TRIM25: variants seen among roughly 807,000 people sequenced by gnomAD.
TRIM25 encodes the protein E3 ubiquitin/ISG15 ligase TRIM25.
Under a neutral mutation model 65.2 loss-of-function variants are expected in TRIM25, and 45 were observed. The observed-to-expected ratio is 0.69, with a 90% CI of 0.54 to 0.89. The LOEUF (loss-of-function observed/expected upper bound fraction) is 0.89, where lower values mean the gene tolerates loss of function less well. TRIM25 is among the 40% of genes least tolerant of loss of function. TRIM25 has a pLI of 0.00. For synonymous variants in TRIM25, 321 were observed against 340.4 expected, an observed-to-expected ratio of 0.94 and a Z score of 0.63; for missense variants, 714 against 803.7, an observed-to-expected ratio of 0.89 and a Z score of 1.35.
chr17:56,899,324 C>T, intron 4 of TRIM25, 144 bp from the exon 5 acceptor site: 1 of 744,240 alleles, frequency 1.3e-6, no homozygotes, highest in Non-Finnish European at 2.2e-6. Context: ...CTTACAAGAG[C>T]TACAAACAAG....
rs1237636494 is a variant in TRIM25, at chr17:56,892,028, T to C, written c.1565A>G (p.Asn522Ser). The C allele has an allele frequency of 2.5e-5, 41 of 1,613,996 alleles. No individual in the cohort carries two copies. Among genetic ancestry groups the C allele is most frequent in the Non-Finnish European group, 3.1e-5 (37 of 1,180,022 alleles). The part of the protein sequence containing the change: ...HYWEVELQKN[N>S]FCGVGICYGS... ...GTAGCAGATGCCTACCCCACAGAAG[T>C]TGTTCTTCTGCAGCTCCACCTCCCA... is the stretch of plus-strand genomic sequence containing the variant. The change falls in exon 9 of 9, where the codon AAC becomes AGC. Residue 522 changes from asparagine to serine, a missense_variant. Asn to Ser is a conservative substitution (Grantham distance 46). Transcript: ENST00000316881.
rs1180839952 is a variant in TRIM25 at position 56,890,623 on chromosome 17, T to A, written c.*1077A>T. The A allele has an allele frequency of 2.2e-6, 1 of 456,666 alleles. No homozygotes were observed. The allele number at this position is 456,666 out of a possible 1,614,324, so 28.3% of individuals were successfully genotyped here. ...GTCCGAGGCAGCCGCATAGCCTGTC[T>A]GCATGATAGCAGGCTTCAGGGATCC... On this transcript the variant is annotated 3_prime_UTR_variant, in exon 9 of 9. Coordinates refer to ENST00000316881, the MANE Select transcript of TRIM25 (RefSeq NM_005082.5).
rs556827824 is a variant in TRIM25 at position 56,913,242 on chromosome 17, C to G, written c.597+150G>C. 3.5e-5 allele frequency: 22 copies of G among 626,282 alleles called. No homozygotes were observed. Among genetic ancestry groups the G allele is most frequent in the African/African-American group, 1.1e-4 (6 of 53,270 alleles). 38.8% of individuals were successfully genotyped at this position (626,282 alleles called of 1,614,324 possible). A position where few individuals can be genotyped will look rare whatever the true frequency, so the allele number is the denominator to read the frequency against. On this transcript the variant is annotated intron_variant, in intron 1 of 8. Transcript: ENST00000316881. This position sits in a 1 kb window ranked among gnomAD's most constrained non-coding sequence, Gnocchi z 6.1. ...GAAGGGACTATATAATCTCCCATCC[C>G]CTTTCTACTCTGACATTGGAGATGC...
chr17:56,894,406 G>A (rs1347257099), intron 8 of TRIM25, among the ~76,000 whole-genome samples: 2 of 152,094 alleles, frequency 1.3e-5, no homozygotes, highest in East Asian at 3.9e-4. Context: ...GTGCCACCAC[G>A]CCCGGCTAAT....
Position 56,914,046 on chromosome 17 carries a change from A to C in TRIM25, c.-58T>G. 1 of 1,390,738 alleles carries C rather than the reference A, an allele frequency of 7.2e-7. No homozygotes were observed. Among genetic ancestry groups the C allele is most frequent in the Non-Finnish European group, 9.5e-7 (1 of 1,055,264 alleles). 86.1% of individuals were successfully genotyped at this position (1,390,738 alleles called of 1,614,324 possible). On this transcript the variant is annotated 5_prime_UTR_variant, in exon 1 of 9. Coordinates refer to ENST00000316881, the MANE Select transcript of TRIM25 (RefSeq NM_005082.5). ...ACCCGCGCTCCGAGGCCGCCGAGGA[A>C]ACGAAACCTAGCTCGAGAGGAGCAG...
intron 2 of TRIM25, among the ~76,000 whole-genome samples, chr17:56,908,229 A>C (rs1909557755): frequency 6.6e-6 from 1 of 152,068 alleles, no homozygotes; most frequent in African/African-American, 2.4e-5. Context: ...ACTACTTTTT[A>C]ATCCTAATTT....
At chr17:56,908,671 C>A (rs1598079175) in intron 1 of TRIM25, 108 bp from the exon 2 acceptor site, 3 of 1,155,996 alleles carry the variant, frequency 2.6e-6, no homozygotes, top group East Asian at 5.0e-5. Context: ...TTCCACTCCA[C>A]CCAAGTCTTG....
At chr17:56,897,791 T>C (rs986656307) in intron 5 of TRIM25, among the ~76,000 whole-genome samples, 1 of 152,204 alleles carries the variant, frequency 6.6e-6, no homozygotes, top group African/African-American at 2.4e-5. Context: ...GGAAGGTGAC[T>C]GGGGAAGGAC....
chr17:56,902,922 G>A (rs1909441808), intron 3 of TRIM25, among the ~76,000 whole-genome samples: 1 of 152,138 alleles, frequency 6.6e-6, no homozygotes, highest in South Asian at 2.1e-4. Context: ...ACGGAGGCTG[G>A]CACTTCCTCC....
intron 6 of TRIM25, 112 bp from the exon 7 acceptor site, chr17:56,895,716 CAG>C (rs2144350567): frequency 9.5e-6 from 12 of 1,268,118 alleles, no homozygotes; most frequent in Middle Eastern, 2.0e-4. Context: ...CAGGACAACA[CAG>C]GGGAAAACAG....
chr17:56,891,843 C>G lies in TRIM25; in HGVS notation c.1750G>C (p.Asp584His), dbSNP rs1474629225. ...ATRVGVLLNC[D>H]HGFVIFFAVA... ...GCGAAGAAGATGACAAAGCCGTGGT[C>G]ACAGTTGAGAAGCACGCCCACCCGC... Residue 584 changes from aspartate to histidine, a missense_variant, in exon 9 of 9, where the codon GAC (aspartate) becomes CAC (histidine). By Grantham distance (81) the Asp-to-His change is moderately conservative. Around this residue, in one of 3 missense-constraint regions of TRIM25, gnomAD observed 413 missense variants for 498.2 expected, o/e 0.83. Coordinates refer to ENST00000316881, the MANE Select transcript of TRIM25 (RefSeq NM_005082.5). 3.1e-6 allele frequency: 5 copies of G among 1,614,118 alleles called. No individual in the cohort carries two copies. The Admixed American group carries it at 8.3e-5, about 27-fold the overall frequency.
rs147244490 is a variant in TRIM25, at chr17:56,913,603, T to G, written c.386A>C (p.Glu129Ala). Residue 129 changes from glutamate to alanine, a missense_variant, in exon 1 of 9, where the codon GAG (glutamate) becomes GCG (alanine). Coordinates refer to ENST00000316881, the MANE Select transcript of TRIM25 (RefSeq NM_005082.5). The surrounding 1 kb of genome is among the most constrained non-coding windows in gnomAD (Gnocchi z 6.1). Reference sequence around the variant, plus strand: ...GCTGTCGAAGTGCGGCTGCAGGTGCTCCTGACAGAAGGAGGCCATGCACAC... The same window carrying G: ...GCTGTCGAAGTGCGGCTGCAGGTGCGCCTGACAGAAGGAGGCCATGCACAC... ...CLVCMASFCQ[E>A]HLQPHFDSPA... 3.5e-5 allele frequency: 57 copies of G among 1,608,832 alleles called. No individual in the cohort carries two copies. The African/African-American group carries it at 7.1e-4, about 20-fold the overall frequency.
At chr17:56,912,552 A>G (rs1219665253) in intron 1 of TRIM25, among the ~76,000 whole-genome samples, 1 of 152,126 alleles carries the variant, frequency 6.6e-6, no homozygotes, top group Non-Finnish European at 1.5e-5. Flanking sequence ...TTTTGCTTAC[A>G]TGACCTCAAG....
At chr17:56,903,454 A>C (rs192761307) in intron 3 of TRIM25, among the ~76,000 whole-genome samples, 1 of 152,310 alleles carries the variant, frequency 6.6e-6, no homozygotes, top group Admixed American at 6.5e-5. Context: ...CTTTATAGCA[A>C]TGCAAAAGGG....
At chr17:56,899,283 G>T in intron 4 of TRIM25, 103 bp from the exon 5 acceptor site, 1 of 1,168,456 alleles carries the variant, frequency 8.6e-7, no homozygotes, top group Non-Finnish European at 1.3e-6. Flanking sequence ...TACACAGACA[G>T]CCATTTCCTC....
In TRIM25 at chr17:56,892,137, G is replaced by A. The variant is rs1462869747; in HGVS notation, c.1456C>T (p.Gln486Ter). The A allele has an allele frequency of 6.2e-7, 1 of 1,614,048 alleles. No homozygotes were observed. The highest frequency in any genetic ancestry group is 8.5e-7 in the Non-Finnish European group (1 of 1,180,046). Residue 486 changes from glutamine to a stop codon, truncating the protein, a stop_gained, in exon 9 of 9, where the codon CAG becomes TAG. Transcript: ENST00000316881. LOFTEE classifies it high-confidence loss of function. ...CTCTGGGGATGCGGCCGGTAGTTCTGAGGCATCTCAGCCACAGAAGCTACT... is the reference window on the plus strand; with the variant it reads ...CTCTGGGGATGCGGCCGGTAGTTCTAAGGCATCTCAGCCACAGAAGCTACT... ...YTVASVAEMPQNYRPHPQRFT... is the reference protein window; with the variant it reads ...YTVASVAEMP
intron 3 of TRIM25, among the ~76,000 whole-genome samples, chr17:56,903,947 G>A (rs1909465878): frequency 6.6e-6 from 1 of 152,126 alleles, no homozygotes; most frequent in Non-Finnish European, 1.5e-5. Context: ...ACAACCCTGA[G>A]CTCCAAAGGA....
At chr17:56,897,726 C>T (rs947880118) in intron 5 of TRIM25, among the ~76,000 whole-genome samples, 8 of 152,196 alleles carry the variant, frequency 5.3e-5, no homozygotes, top group Admixed American at 3.3e-4. Context: ...GGGGAACACA[C>T]CTGCCTGCTG....
At chr17:56,907,939 A>G (rs1369402839) in intron 2 of TRIM25, among the ~76,000 whole-genome samples, 2 of 152,206 alleles carry the variant, frequency 1.3e-5, no homozygotes, top group African/African-American at 4.8e-5. Context: ...AAAGCCAAGG[A>G]ATGCCTGAGC....
Sources: gnomAD v4.1 joint callset for allele counts (sites outside exome capture counted in the v4.1 genomes callset) on GRCh38, gnomAD v4.1.1 for gene constraint, gnomAD v4.1.1 regional missense constraint, Gnocchi (gnomAD v3.1) non-coding constraint, MANE v1.5 for transcripts, NCBI Gene and HGNC (gene_info 2026-07-23, HGNC 2026-07-21) for gene names.